Variants in DOCK5 observed in about 807,000 individuals in gnomAD.
DOCK5 encodes dedicator of cytokinesis 5, also known as dedicator of cytokinesis protein 5.
In DOCK5, 142 loss-of-function variants were observed where a neutral mutation model predicts 251.8. The observed-to-expected ratio is 0.56, with a 90% CI of 0.49 to 0.65. The LOEUF (loss-of-function observed/expected upper bound fraction) is 0.65. Among genes scored for constraint, DOCK5 ranks in the 30% least tolerant of loss-of-function variants. The probability of loss-of-function intolerance (pLI) is 0.00; values close to 1 mark genes in which losing one functional copy is unlikely to be tolerated. For missense variants in DOCK5, 2,111 were observed against 2,312.3 expected (o/e 0.91, Z 1.79); for synonymous variants, 842 against 835.5 (o/e 1.01, Z -0.13).
chr8:25,268,292 A>G (rs1359539537), intron 2 of DOCK5, among the ~76,000 whole-genome samples: 1 of 152,046 alleles, frequency 6.6e-6, no homozygotes, highest in South Asian at 2.1e-4. Context: ...TTGTTTTATT[A>G]TTTCATTATT....
chr8:25,256,958 A>T (rs1425328972), intron 2 of DOCK5, among the ~76,000 whole-genome samples: 1 of 151,214 alleles, frequency 6.6e-6, no homozygotes, highest in Non-Finnish European at 1.5e-5. Flanking sequence ...TAGGGAAGTT[A>T]TGCTGGAAAA....
chr8:25,359,972 C>T (rs1284970613), intron 28 of DOCK5, among the ~76,000 whole-genome samples: 2 of 152,220 alleles, frequency 1.3e-5, no homozygotes, highest in East Asian at 1.9e-4. Flanking sequence ...GCCCTTCAGA[C>T]GTCCATGAAG....
Position 25,222,488 on chromosome 8 carries a change from C to T in DOCK5, c.44-21186C>T, listed in dbSNP as rs550434997. ...TATTTTCTGAGCCGTTGAGTAAAAG[C>T]GTGTGATATGCCCCGTCTCTAGCTG... is the stretch of plus-strand genomic sequence containing the variant. On this transcript the variant is annotated intron_variant, in intron 1 of 51. Transcript: ENST00000276440. Among the ~76,000 whole-genome samples, 6 of 152,170 alleles carry T rather than the reference C, an allele frequency of 3.9e-5. No homozygotes were observed. The South Asian group carries it at 8.3e-4, about 21-fold the overall frequency.
At chr8:25,269,914 A>G (rs923660127) in intron 3 of DOCK5, among the ~76,000 whole-genome samples, 3 of 152,248 alleles carry the variant, frequency 2.0e-5, no homozygotes, top group Non-Finnish European at 2.9e-5. Context: ...AATCCTGCAC[A>G]GATAGGCTGA....
chr8:25,370,857 T>A (rs1361414852), intron 34 of DOCK5, among the ~76,000 whole-genome samples: 1 of 152,206 alleles, frequency 6.6e-6, no homozygotes, highest in Non-Finnish European at 1.5e-5. Context: ...TTGCCCAGGC[T>A]GGTCTGAAAC....
chr8:25,253,208 T>C (rs1279641797), intron 2 of DOCK5, among the ~76,000 whole-genome samples: 1 of 152,246 alleles, frequency 6.6e-6, no homozygotes, highest in Non-Finnish European at 1.5e-5. Flanking sequence ...TCCTGAGTGG[T>C]ACCTTCATTC....
At chr8:25,306,818 G>A (rs1403631990) in intron 11 of DOCK5, among the ~76,000 whole-genome samples, 1 of 152,178 alleles carries the variant, frequency 6.6e-6, no homozygotes, top group East Asian at 1.9e-4. Flanking sequence ...CTTAATGGCA[G>A]TGATACGTTC....
At chr8:25,375,868 C>A (rs1800953829) in intron 37 of DOCK5, 1 of 942,694 alleles carries the variant, frequency 1.1e-6, no homozygotes, top group Non-Finnish European at 1.3e-6. Context: ...GAAGCTGAGG[C>A]CAGCAGATCA....
intron 40 of DOCK5, among the ~76,000 whole-genome samples, chr8:25,385,691 G>A (rs1011829591): frequency 1.1e-4 from 16 of 152,264 alleles, no homozygotes; most frequent in African/African-American, 3.9e-4. Flanking sequence ...GTTCCAGCTT[G>A]GAGAGATCAA....
chr8:25,341,241 C>T lies in DOCK5; in HGVS notation c.2439+253C>T, dbSNP rs1445181620. On this transcript the variant is annotated intron_variant, in intron 23 of 51. Coordinates refer to ENST00000276440, the MANE Select transcript of DOCK5 (RefSeq NM_024940.8). ...ACATCCCTTGAAAGGCCATTGTGAA[C>T]CCTGTTTGACCCCATGATTTCAGCA... Among the ~76,000 whole-genome samples, 12 of 152,152 alleles carry T rather than the reference C, an allele frequency of 7.9e-5. No homozygotes were observed. In the East Asian group the frequency reaches 2.1e-3, roughly 27 times the overall value.
In DOCK5 at chr8:25,407,665, G is replaced by GAGTTTGAGACAGCCTGGGCAAC. The variant is rs535416328; in HGVS notation, c.5094-307_5094-286dup. 2.4e-3 allele frequency among the ~76,000 whole-genome samples: 368 copies of GAGTTTGAGACAGCCTGGGCAAC among 152,096 alleles called. 1 individual carries two copies. The highest frequency in any genetic ancestry group is 5.7e-3 in the African/African-American group (238 of 41,478). ...AGGTAGGAGCATCACTTGAGCCCAG[G>GAGTTTGAGACAGCCTGGGCAAC]AGTTTGAGACAGCCTGGGCAACAGT... On this transcript the variant is annotated intron_variant, in intron 48 of 51. Transcript: ENST00000276440.
intron 9 of DOCK5, among the ~76,000 whole-genome samples, chr8:25,301,419 A>C (rs1804759980): frequency 6.6e-6 from 1 of 152,196 alleles, no homozygotes; most frequent in Non-Finnish European, 1.5e-5. Context: ...CTGGATTTGG[A>C]ATGATTATGT....
chr8:25,200,216 A>G (rs1199904986), intron 1 of DOCK5, among the ~76,000 whole-genome samples: 1 of 152,230 alleles, frequency 6.6e-6, no homozygotes, highest in East Asian at 1.9e-4. Flanking sequence ...TCTATCATGT[A>G]TTGATTAAAA....
intron 1 of DOCK5, among the ~76,000 whole-genome samples, chr8:25,219,448 C>G (rs1510761): frequency 0.16 from 24,852 of 152,120 alleles, 2,271 homozygotes; most frequent in Admixed American, 0.25. Context: ...CTGTCCTCCT[C>G]ATTTTGGGAC....
Position 25,317,085 on chromosome 8 carries a change from T to C in DOCK5, c.1397T>C (p.Val466Ala). The change falls in exon 14 of 52, where the codon GTG (valine) becomes GCG (alanine). Residue 466 changes from valine (V) to alanine (A), a missense_variant. This residue lies in a region of DOCK5 where 1,717 missense variants were observed against 1,892.4 expected (regional missense o/e 0.91). Coordinates refer to ENST00000276440, the MANE Select transcript of DOCK5 (RefSeq NM_024940.8). ...GGGAAGAAGAAGACGCCAAAGAATG[T>C]GGAGGTGACGATGTCTGTGCACGAT... Reference protein sequence around the residue: ...DKGKKKTPKNVEVTMSVHDEE... With the variant: ...DKGKKKTPKNAEVTMSVHDEE... 1.2e-6 allele frequency: 2 copies of C among 1,613,936 alleles called. No individual in the cohort carries two copies. Among genetic ancestry groups the C allele is most frequent in the Middle Eastern group, 1.6e-4 (1 of 6,062 alleles).
rs377707618 is a variant in DOCK5, at chr8:25,329,914, C to T, written c.1904-2337C>T. On this transcript the variant is annotated intron_variant, in intron 18 of 51. Transcript: ENST00000276440. ...AGCAAGCATGGGGCTCTTTCTGTAA[C>T]CCCGTGTCACTGCTCTCCTGGCCCT... 1.8e-4 allele frequency among the ~76,000 whole-genome samples: 27 copies of T among 152,282 alleles called. No homozygotes were observed. In the East Asian group the frequency reaches 3.5e-3, roughly 20 times the overall value.
intron 27 of DOCK5, among the ~76,000 whole-genome samples, chr8:25,357,829 T>C (rs904783785): frequency 2.0e-5 from 3 of 152,162 alleles, no homozygotes; most frequent in Admixed American, 6.5e-5. Context: ...CTAAATTCCT[T>C]TGTGTTATTT....
At chr8:25,188,482 A>ACT (rs1191220953) in intron 1 of DOCK5, among the ~76,000 whole-genome samples, 1 of 152,120 alleles carries the variant, frequency 6.6e-6, no homozygotes, top group Non-Finnish European at 1.5e-5. Context: ...GTGTGAGGAT[A>ACT]GAGCTTTGGA....
intron 35 of DOCK5, among the ~76,000 whole-genome samples, chr8:25,373,001 ATT>A (rs36091443): frequency 0.28 from 38,874 of 141,166 alleles, 5,762 homozygotes; most frequent in East Asian, 0.39. Flanking sequence ...AGTTTTGGGG[ATT>A]TTTTTTTTTT....
Sources: gnomAD v4.1 joint callset for allele counts (sites outside exome capture counted in the v4.1 genomes callset) on GRCh38, gnomAD v4.1.1 for gene constraint, gnomAD v4.1.1 regional missense constraint, MANE v1.5 for transcripts, NCBI Gene and HGNC (gene_info 2026-07-23, HGNC 2026-07-21) for gene names.